TNRC6A: variants seen among roughly 807,000 people sequenced by gnomAD.
The protein encoded by TNRC6A is trinucleotide repeat-containing gene 6A protein.
Under a neutral mutation model 221.2 loss-of-function variants are expected in TNRC6A, and 44 were observed. That is an observed-to-expected ratio of 0.20 (90% CI 0.16 to 0.26). The LOEUF (loss-of-function observed/expected upper bound fraction) is 0.26. Ranked by LOEUF, TNRC6A falls within the 10% of genes least tolerant of loss-of-function variation. The pLI is 1.00. For missense variants in TNRC6A, 2,199 were observed against 2,404.4 expected, an observed-to-expected ratio of 0.91 and a Z score of 1.79; for synonymous variants, 847 against 838.5, an observed-to-expected ratio of 1.01 and a Z score of -0.18.
chr16:24,610,781 C>T (rs1463896563), intron 1 of TNRC6A, among the ~76,000 whole-genome samples: 5 of 152,020 alleles, frequency 3.3e-5, no homozygotes, highest in Admixed American at 2.0e-4. Context: ...CACCTCTCAC[C>T]TTCCCCCTTT....
At chr16:24,688,828 C>A (rs2055693325) in intron 2 of TNRC6A, among the ~76,000 whole-genome samples, 1 of 152,188 alleles carries the variant, frequency 6.6e-6, no homozygotes, top group Non-Finnish European at 1.5e-5. Flanking sequence ...CAGACTTGAA[C>A]TCTATTCAGA....
intron 2 of TNRC6A, among the ~76,000 whole-genome samples, chr16:24,735,163 T>C (rs2056735400): frequency 6.6e-6 from 1 of 152,214 alleles, no homozygotes; most frequent in Non-Finnish European, 1.5e-5. Context: ...GTGCCTGTAA[T>C]CCCAGCTACT....
chr16:24,783,699 C>T (rs935933393), intron 5 of TNRC6A, among the ~76,000 whole-genome samples: 9 of 152,286 alleles, frequency 5.9e-5, no homozygotes, highest in Non-Finnish European at 1.2e-4. Context: ...TTGCATTACA[C>T]TCAGTAAAAC....
intron 1 of TNRC6A, among the ~76,000 whole-genome samples, chr16:24,623,193 A>C (rs1900772107): frequency 6.7e-6 from 1 of 148,352 alleles, no homozygotes; most frequent in African/African-American, 2.5e-5. Context: ...TTATTTATTT[A>C]CTTATTTTAT....
chr16:24,805,011 T>C lies in TNRC6A; in HGVS notation c.3985-3T>C. The C allele has an allele frequency of 6.2e-7, 1 of 1,614,234 alleles. No individual in the cohort carries two copies. Among genetic ancestry groups the C allele is most frequent in the Non-Finnish European group, 8.5e-7 (1 of 1,180,042 alleles). On this transcript the variant is annotated splice_region_variant and splice_polypyrimidine_tract_variant and intron_variant, in intron 13 of 24. Coordinates refer to ENST00000395799, the MANE Select transcript of TNRC6A (RefSeq NM_014494.4). ...TGTTACTTGTTGCTGTTTGTTTTTA[T>C]AGAATGGCAATCCCAGTATGTTTGG...
rs1596821407 is a variant in TNRC6A at position 24,816,510 on chromosome 16, A to G, written c.4832-306A>G. The G allele has an allele frequency of 1.7e-5, 4 of 237,562 alleles. No homozygotes were observed. The South Asian group carries it at 2.7e-4, about 16-fold the overall frequency. The allele number at this position is 237,562 out of a possible 1,614,324, so 14.7% of individuals were successfully genotyped here. A position where few individuals can be genotyped will look rare whatever the true frequency, so the allele number is the denominator to read the frequency against. ...GATAGAGAAAGACCCTGTCTCAAAC[A>G]TACATACATATATATGATTTTTTAA... is the stretch of plus-strand genomic sequence containing the variant. On this transcript the variant is annotated intron_variant, in intron 19 of 24. Coordinates refer to ENST00000395799, the MANE Select transcript of TNRC6A (RefSeq NM_014494.4).
chr16:24,761,360 AAAC>A (rs2057358942), intron 4 of TNRC6A, among the ~76,000 whole-genome samples: 1 of 152,204 alleles, frequency 6.6e-6, no homozygotes, highest in East Asian at 1.9e-4. Context: ...TATGTCCTTG[AAAC>A]AGCAGGAGAG....
intron 22 of TNRC6A, among the ~76,000 whole-genome samples, chr16:24,821,087 G>T (rs11646987): frequency 0.31 from 47,563 of 152,130 alleles, 7,713 homozygotes; most frequent in East Asian, 0.46. Context: ...ATTGGCTGTA[G>T]GAAAACTTGC....
chr16:24,816,777 T>C (rs1455526135), intron 19 of TNRC6A, 39 bp from the exon 20 acceptor site: 1 of 1,584,214 alleles, frequency 6.3e-7, no homozygotes, highest in South Asian at 1.2e-5. Flanking sequence ...TTTAAAATGA[T>C]GATTAAGCTT....
upstream of TNRC6A, among the ~76,000 whole-genome samples, chr16:24,728,931 T>C (rs1239369349): frequency 1.3e-5 from 2 of 152,152 alleles, no homozygotes; most frequent in Non-Finnish European, 2.9e-5. Context: ...ATTTTTACAG[T>C]GTCCTAATAC....
intron 2 of TNRC6A, among the ~76,000 whole-genome samples, chr16:24,717,253 T>C (rs2056331280): frequency 6.6e-6 from 1 of 152,096 alleles, no homozygotes; most frequent in Non-Finnish European, 1.5e-5. Flanking sequence ...CCTGGCCTCA[T>C]TATTTATTTT....
At chr16:24,649,219 T>C (rs762571621) in intron 2 of TNRC6A, among the ~76,000 whole-genome samples, 5 of 152,228 alleles carry the variant, frequency 3.3e-5, no homozygotes, top group Non-Finnish European at 1.5e-5. Flanking sequence ...TATATATGTA[T>C]AAATTGTGGA....
At chr16:24,801,865 T>C (rs143379225) in intron 11 of TNRC6A, among the ~76,000 whole-genome samples, 238 of 152,288 alleles carry the variant, frequency 1.6e-3, no homozygotes, top group African/African-American at 5.3e-3. Context: ...GGAGAACTGG[T>C]TGGAATTGGT....
chr16:24,612,115 A>G (rs1282806884), intron 1 of TNRC6A, among the ~76,000 whole-genome samples: 1 of 152,162 alleles, frequency 6.6e-6, no homozygotes, highest in Non-Finnish European at 1.5e-5. Flanking sequence ...ATGAAATAAA[A>G]TAAAGTAAAG....
chr16:24,810,068 C>G (rs1477759506), intron 18 of TNRC6A, among the ~76,000 whole-genome samples: 1 of 152,228 alleles, frequency 6.6e-6, no homozygotes, highest in African/African-American at 2.4e-5. Flanking sequence ...CTGCCTTGGT[C>G]TCCCAAAGTG....
intron 2 of TNRC6A, among the ~76,000 whole-genome samples, chr16:24,669,904 C>CTCATT (rs1425822786): frequency 4.3e-5 from 6 of 140,352 alleles, no homozygotes; most frequent in Non-Finnish European, 9.2e-5. Context: ...TATGCATCCA[C>CTCATT]TCATTTTGTT....
chr16:24,805,815 A>G (rs932933673), intron 15 of TNRC6A, 82 bp downstream of exon 15: 3 of 1,568,000 alleles, frequency 1.9e-6, no homozygotes, highest in Non-Finnish European at 2.6e-6. Flanking sequence ...TGCGGGACAT[A>G]GTGCACTAAA....
rs778710185 is a variant in TNRC6A, at chr16:24,793,574, G to C, written c.3277G>C (p.Glu1093Gln). 1 of 1,569,384 alleles carries C rather than the reference G, an allele frequency of 6.4e-7. No individual in the cohort carries two copies. The highest frequency in any genetic ancestry group is 1.2e-5 in the South Asian group (1 of 81,540). ...CATAGACAGTGGTCCCAGCTGGGGGGAACCCATTGCTGCGGCATCCAGCAC... is the reference window on the plus strand; with the variant it reads ...CATAGACAGTGGTCCCAGCTGGGGGCAACCCATTGCTGCGGCATCCAGCAC... ...KPIDSGPSWG[E>Q]PIAAASSTST... Residue 1093 changes from glutamate to glutamine, a missense_variant, in exon 7 of 25, where the codon GAA becomes CAA. Glu to Gln is a conservative substitution (Grantham distance 29, BLOSUM62 2). This residue lies in a region of TNRC6A where 1,405 missense variants were observed against 1,400.2 expected (regional missense o/e 1.00). Transcript: ENST00000395799.
intron 2 of TNRC6A, among the ~76,000 whole-genome samples, chr16:24,720,532 T>C (rs1419633291): frequency 7.7e-6 from 1 of 130,348 alleles, no homozygotes; most frequent in African/African-American, 2.9e-5. Context: ...CTACTAAAAA[T>C]ACAAAAAAAT....
Sources: allele counts gnomAD v4.1 joint callset (sites outside exome capture counted in the v4.1 genomes callset), GRCh38; gene constraint gnomAD v4.1.1; regional missense constraint gnomAD v4.1.1; transcripts MANE v1.5; gene names NCBI Gene and HGNC (gene_info 2026-07-23, HGNC 2026-07-21).